CTTNBP2NL: variants seen among roughly 807,000 people sequenced by gnomAD.
CTTNBP2NL encodes the protein CTTNBP2 N-terminal like, also known as CTTNBP2 N-terminal-like protein.
CTTNBP2NL carries 16 observed loss-of-function variants against 32.5 expected under a neutral mutation model. The observed-to-expected ratio is 0.49, with a 90% CI of 0.33 to 0.75. The LOEUF is 0.75. Ranked by LOEUF, CTTNBP2NL falls within the 30% of genes least tolerant of loss-of-function variation. The probability of loss-of-function intolerance (pLI) is 0.02; values close to 1 mark genes in which losing one functional copy is unlikely to be tolerated. For synonymous variants in CTTNBP2NL, 298 were observed against 289.4 expected (o/e 1.03, Z -0.30); for missense variants, 645 against 756.0 (o/e 0.85, Z 1.72).
chr1:112,420,795 A>G (rs1226977523), intron 3 of CTTNBP2NL, among the ~76,000 whole-genome samples: 1 of 152,160 alleles, frequency 6.6e-6, no homozygotes, highest in Admixed American at 6.5e-5. Flanking sequence ...TAAAGTTTAT[A>G]CATGGATTCC....
At position 112,425,199 on chromosome 1, in the gene CTTNBP2NL, G is replaced by A. The variant is rs771356181; in HGVS notation, c.99+8935G>A. ...TACAGAAATAAAATTGGCCAGGTGC[G>A]GTGGCTTACACCTGTAATCCCAGCA... On this transcript the variant is annotated intron_variant, in intron 3 of 5. Transcript: ENST00000271277. Among the ~76,000 whole-genome samples the A allele has an allele frequency of 2.0e-4, 31 of 152,100 alleles. 1 individual carries two copies. In the Middle Eastern group the frequency reaches 0.014, roughly 67 times the overall value.
At chr1:112,444,804 C>T (rs1177720375) in intron 3 of CTTNBP2NL, among the ~76,000 whole-genome samples, 1 of 151,928 alleles carries the variant, frequency 6.6e-6, no homozygotes, top group African/African-American at 2.4e-5. Context: ...AATTTTGACC[C>T]GAGATATAAA....
Position 112,449,192 on chromosome 1 carries a change from T to C in CTTNBP2NL, c.330+20T>C. On this transcript the variant is annotated intron_variant, in intron 4 of 5. Transcript: ENST00000271277. The stretch of plus-strand genomic sequence containing the variant: ...CGAAAGGTAGGTTCACCTCAGTTGA[T>C]GTGTAAATCTTTGTGAAGTCTTTAT... 2 of 1,400,834 alleles carry C rather than the reference T, an allele frequency of 1.4e-6. No homozygotes were observed. The highest frequency in any genetic ancestry group is 1.4e-5 in the African/African-American group (1 of 70,882). The allele number at this position is 1,400,834 out of a possible 1,614,324, so 86.8% of individuals were successfully genotyped here.
intron 3 of CTTNBP2NL, among the ~76,000 whole-genome samples, chr1:112,438,799 A>G (rs1649814102): frequency 6.6e-6 from 1 of 152,140 alleles, no homozygotes; most frequent in Non-Finnish European, 1.5e-5. Flanking sequence ...CAATTTCACC[A>G]TATATTTGTG....
At position 112,456,059 on chromosome 1, in the gene CTTNBP2NL, C is replaced by T. The variant is rs1557899319; in HGVS notation, c.567C>T (p.Ala189=). ...TGCTAGTGCTTGAGTGCAAGAAAGC[C>T]ACCAACAAGGCAGCCGAGGAAGGAC... ...SSMLVLECKK[A]TNKAAEEGQK... The change falls in exon 6 of 6, where the codon GCC becomes GCT. Residue 189 remains alanine (A), a synonymous_variant. Transcript: ENST00000271277. 2 of 1,614,140 alleles carry T rather than the reference C, an allele frequency of 1.2e-6. No homozygotes were observed. Among genetic ancestry groups the T allele is most frequent in the Non-Finnish European group, 1.7e-6 (2 of 1,180,024 alleles).
At chr1:112,414,398 C>T (rs1557886693) in intron 2 of CTTNBP2NL, among the ~76,000 whole-genome samples, 1 of 152,168 alleles carries the variant, frequency 6.6e-6, no homozygotes, top group Non-Finnish European at 1.5e-5. Context: ...GCTGAGGTTA[C>T]ATCGAAGATG....
At chr1:112,440,936 C>T (rs1017708996) in intron 3 of CTTNBP2NL, among the ~76,000 whole-genome samples, 1 of 152,096 alleles carries the variant, frequency 6.6e-6, no homozygotes, top group South Asian at 2.1e-4. Context: ...GTTAAAAATA[C>T]TTTGATTTGA....
Position 112,456,042 on chromosome 1 carries a change from C to T in CTTNBP2NL, c.550C>T (p.Leu184Phe), listed in dbSNP as rs757162970. 1.4e-5 allele frequency: 23 copies of T among 1,613,966 alleles called. No homozygotes were observed. The Middle Eastern group carries it at 4.9e-4, about 35-fold the overall frequency. Residue 184 changes from leucine to phenylalanine, a missense_variant, in exon 6 of 6, where the codon CTT becomes TTT. Physicochemically the swap from Leu to Phe is conservative, Grantham distance 22. Transcript: ENST00000271277. ...CAAGCAGCTCTCATCCATGCTAGTG[C>T]TTGAGTGCAAGAAAGCCACCAACAA... Reference protein sequence around the residue: ...RHKQLSSMLVLECKKATNKAA... With the variant: ...RHKQLSSMLVFECKKATNKAA...
chr1:112,458,933 G>T lies in CTTNBP2NL; in HGVS notation c.*1521G>T, dbSNP rs1280151716. ...ACAGCTGGGAGCAGTGGGAGCTGTG[G>T]CAAACTAAAGTGCCCAAGCCGCATT... On this transcript the variant is annotated 3_prime_UTR_variant, in exon 6 of 6. Coordinates refer to ENST00000271277, the MANE Select transcript of CTTNBP2NL (RefSeq NM_018704.3). 5 of 152,186 alleles carry T rather than the reference G, an allele frequency of 3.3e-5. No individual in the cohort carries two copies. Among genetic ancestry groups the T allele is most frequent in the African/African-American group, 1.2e-4 (5 of 41,440 alleles). The allele number at this position is 152,186 out of a possible 1,614,324, so 9.4% of individuals were successfully genotyped here. A position where few individuals can be genotyped will look rare whatever the true frequency, so the allele number is the denominator to read the frequency against.
rs1251072279 is a variant in CTTNBP2NL, at chr1:112,460,301, AAG to A, written c.*2892_*2893del. ...CACAATTTGGGCATATTTTGTTGGG[AAG>A]AGGGGGTGGTGTAGAGGGAGCACTT... On this transcript the variant is annotated 3_prime_UTR_variant, in exon 6 of 6. Transcript: ENST00000271277. The A allele has an allele frequency of 1.3e-5, 2 of 152,104 alleles. No individual in the cohort carries two copies. The highest frequency in any genetic ancestry group is 2.9e-5 in the Non-Finnish European group (2 of 68,024). 9.4% of individuals were successfully genotyped at this position (152,104 alleles called of 1,614,324 possible).
chr1:112,426,307 CCTT>C (rs1649394720), intron 3 of CTTNBP2NL, among the ~76,000 whole-genome samples: 1 of 151,896 alleles, frequency 6.6e-6, no homozygotes, highest in African/African-American at 2.4e-5. Context: ...TTTTTATTGA[CCTT>C]CTCTGAGATC....
intron 1 of CTTNBP2NL, among the ~76,000 whole-genome samples, chr1:112,399,706 T>C (rs146521398): frequency 2.3e-4 from 35 of 152,300 alleles, no homozygotes; most frequent in African/African-American, 7.9e-4. Flanking sequence ...TAGAGGAAAT[T>C]TGTTCAGTCT....
intron 4 of CTTNBP2NL, among the ~76,000 whole-genome samples, chr1:112,450,263 C>T (rs1006746183): frequency 1.2e-4 from 19 of 152,138 alleles, no homozygotes; most frequent in Admixed American, 5.2e-4. Context: ...AACTTCTTAA[C>T]CATGGATAGG....
At chr1:112,444,507 C>T (rs908964120) in intron 3 of CTTNBP2NL, among the ~76,000 whole-genome samples, 19 of 152,180 alleles carry the variant, frequency 1.2e-4, no homozygotes, top group African/African-American at 4.6e-4. Flanking sequence ...TGTGCTCTGG[C>T]TGCTGTGATA....
chr1:112,450,927 G>A (rs1650197727), intron 4 of CTTNBP2NL, among the ~76,000 whole-genome samples: 1 of 151,948 alleles, frequency 6.6e-6, no homozygotes, highest in African/African-American at 2.4e-5. Context: ...AGTACCTAGA[G>A]GCTTATAATT....
At chr1:112,446,816 C>T (rs1248465036) in intron 3 of CTTNBP2NL, among the ~76,000 whole-genome samples, 2 of 152,146 alleles carry the variant, frequency 1.3e-5, no homozygotes, top group Non-Finnish European at 1.5e-5. Flanking sequence ...TCCCAAAGTG[C>T]TGGGATTACA....
At chr1:112,454,217 A>G (rs1650304074) in intron 4 of CTTNBP2NL, among the ~76,000 whole-genome samples, 1 of 152,194 alleles carries the variant, frequency 6.6e-6, no homozygotes, top group South Asian at 2.1e-4. Flanking sequence ...TTTGCATATC[A>G]TTCTCTACAT....
At position 112,419,110 on chromosome 1, in the gene CTTNBP2NL, A is replaced by G. The variant is rs556227891; in HGVS notation, c.99+2846A>G. On this transcript the variant is annotated intron_variant, in intron 3 of 5. Coordinates refer to ENST00000271277, the MANE Select transcript of CTTNBP2NL (RefSeq NM_018704.3). ...TGAATTCGTTTCCATTGATGCCTCA[A>G]TCATAAAATAGGGATATCCTCTTTT... Among the ~76,000 whole-genome samples, 56 of 152,330 alleles carry G rather than the reference A, an allele frequency of 3.7e-4. No homozygotes were observed. In the South Asian group the frequency reaches 9.5e-3, roughly 26 times the overall value.
chr1:112,403,474 CAG>C (rs1211928142), intron 1 of CTTNBP2NL, among the ~76,000 whole-genome samples: 1 of 152,140 alleles, frequency 6.6e-6, no homozygotes, highest in Non-Finnish European at 1.5e-5. Context: ...CAGATGAGTT[CAG>C]AGTCTTGTGA....
Sources: allele counts gnomAD v4.1 joint callset (sites outside exome capture counted in the v4.1 genomes callset), GRCh38; gene constraint gnomAD v4.1.1; transcripts MANE v1.5; gene names NCBI Gene and HGNC (gene_info 2026-07-23, HGNC 2026-07-21).